The following SCGN variants were observed in gnomAD, a reference collection of about 807,000 sequenced individuals.
SCGN encodes secretagogin, EF-hand calcium binding protein.
SCGN carries 30 observed loss-of-function variants against 39.7 expected under a neutral mutation model. The ratio of observed to expected loss-of-function variants is 0.76; its 90% CI spans 0.57 to 1.03. The LOEUF (loss-of-function observed/expected upper bound fraction) is 1.03. SCGN is among the 50% of genes least tolerant of loss of function. The probability of loss-of-function intolerance (pLI) is 0.00; values close to 1 mark genes in which losing one functional copy is unlikely to be tolerated. For synonymous variants in SCGN, 106 were observed against 114.1 expected, an observed-to-expected ratio of 0.93 and a Z score of 0.45; for missense variants, 353 against 349.4, an observed-to-expected ratio of 1.01 and a Z score of -0.08.
chr6:25,690,135 C>A (rs533216619), intron 9 of SCGN, among the ~76,000 whole-genome samples: 6 of 152,266 alleles, frequency 3.9e-5, no homozygotes, highest in Non-Finnish European at 7.4e-5. Flanking sequence ...AAAACAGTAT[C>A]ACCTGGGAGA....
chr6:25,691,592 G>A (rs1028749527), intron 10 of SCGN, among the ~76,000 whole-genome samples: 1 of 151,612 alleles, frequency 6.6e-6, no homozygotes, highest in Admixed American at 6.6e-5. Context: ...GCTGAGGTTG[G>A]GGCGGATGAA....
chr6:25,657,697 G>A (rs1339638090), intron 2 of SCGN, among the ~76,000 whole-genome samples: 1 of 148,664 alleles, frequency 6.7e-6, no homozygotes, highest in African/African-American at 2.5e-5. Flanking sequence ...ATATATATGT[G>A]TATGTGTGTG....
chr6:25,691,134 C>T lies in SCGN; in HGVS notation c.702+10C>T, dbSNP rs17492659. The T allele has an allele frequency of 0.12, 188,520 of 1,598,828 alleles. 12,030 individuals carry two copies. The highest frequency in any genetic ancestry group is 0.17 in the Middle Eastern group (1,003 of 6,022). ...GATGGAGCTTGTCCAGGTGAGTGCACGTTCTTCTTATTATGAAGTGGGGTT... is the reference window on the plus strand; with the variant it reads ...GATGGAGCTTGTCCAGGTGAGTGCATGTTCTTCTTATTATGAAGTGGGGTT... On this transcript the variant is annotated intron_variant, in intron 10 of 10. Coordinates refer to ENST00000377961, the MANE Select transcript of SCGN (RefSeq NM_006998.4).
chr6:25,699,876 A>T (rs1439928204), intron 10 of SCGN, among the ~76,000 whole-genome samples: 1 of 152,068 alleles, frequency 6.6e-6, no homozygotes, highest in African/African-American at 2.4e-5. Flanking sequence ...CTAAAAAGAA[A>T]AAGGTGCTGG....
At position 25,661,461 on chromosome 6, in the gene SCGN, T is replaced by A. The variant is rs1582572283; in HGVS notation, c.154-91T>A. Reference sequence around the variant, plus strand: ...TGCTTTCCATGTTTGAAAAACATAATTTTCACGCTGTATATTTTGAATATT... The same window carrying A: ...TGCTTTCCATGTTTGAAAAACATAAATTTCACGCTGTATATTTTGAATATT... On this transcript the variant is annotated intron_variant, in intron 2 of 10. Coordinates refer to ENST00000377961, the MANE Select transcript of SCGN (RefSeq NM_006998.4). 15 of 891,182 alleles carry A rather than the reference T, an allele frequency of 1.7e-5. No individual in the cohort carries two copies. In the East Asian group the frequency reaches 3.6e-4, roughly 21 times the overall value. The allele number at this position is 891,182 out of a possible 1,614,324, so 55.2% of individuals were successfully genotyped here.
intron 10 of SCGN, among the ~76,000 whole-genome samples, chr6:25,696,569 A>G (rs1759840215): frequency 6.6e-6 from 1 of 152,270 alleles, no homozygotes; most frequent in East Asian, 1.9e-4. Context: ...TTGTGCAAAG[A>G]TCTTTCTCTA....
chr6:25,701,563 C>T lies in SCGN; in HGVS notation c.*228C>T, dbSNP rs1759913563. On this transcript the variant is annotated 3_prime_UTR_variant, in exon 11 of 11. Transcript: ENST00000377961. ...TTGTTTTCCCTTGACCCTGGGCTTTCCTATCCTCCCAAAGACTCAGCTCCC... is the reference window on the plus strand; with the variant it reads ...TTGTTTTCCCTTGACCCTGGGCTTTTCTATCCTCCCAAAGACTCAGCTCCC... 1 of 399,690 alleles carries T rather than the reference C, an allele frequency of 2.5e-6. No individual in the cohort carries two copies. Among genetic ancestry groups the T allele is most frequent in the African/African-American group, 2.1e-5 (1 of 47,612 alleles). The allele number at this position is 399,690 out of a possible 1,614,324, so 24.8% of individuals were successfully genotyped here.
At chr6:25,669,700 CATATATGTAT>C (rs1362305429) in intron 5 of SCGN, 133 bp downstream of exon 5, 1 of 714,846 alleles carries the variant, frequency 1.4e-6, no homozygotes, top group African/African-American at 1.8e-5. Context: ...TACATATGTA[CATATATGTAT>C]ATATTTTCAT....
intron 2 of SCGN, among the ~76,000 whole-genome samples, chr6:25,654,164 C>T (rs140792072): frequency 4.9e-4 from 74 of 152,268 alleles, no homozygotes; most frequent in Middle Eastern, 3.4e-3. Flanking sequence ...TAGAAGGAGA[C>T]GCTCTAGGGA....
chr6:25,677,307 A>G (rs1328957427), intron 6 of SCGN, among the ~76,000 whole-genome samples: 1 of 152,200 alleles, frequency 6.6e-6, no homozygotes, highest in African/African-American at 2.4e-5. Context: ...CCTATAATTC[A>G]GATATTTGTT....
intron 6 of SCGN, among the ~76,000 whole-genome samples, chr6:25,675,575 A>T (rs1489174699): frequency 6.6e-6 from 1 of 152,228 alleles, no homozygotes; most frequent in Non-Finnish European, 1.5e-5. Flanking sequence ...AGTGCACTCA[A>T]GATTCTCCTG....
intron 10 of SCGN, 30 bp from the exon 11 acceptor site, chr6:25,701,177 C>G (rs1461556108): frequency 6.3e-7 from 1 of 1,594,520 alleles, no homozygotes; most frequent in Non-Finnish European, 8.5e-7. Flanking sequence ...ATTGGCTTGC[C>G]TGTTAACATG....
Position 25,658,975 on chromosome 6 carries a change from C to T in SCGN, c.154-2577C>T, listed in dbSNP as rs189149406. On this transcript the variant is annotated intron_variant, in intron 2 of 10. Coordinates refer to ENST00000377961, the MANE Select transcript of SCGN (RefSeq NM_006998.4). The stretch of plus-strand genomic sequence containing the variant: ...TTAGAGAATCAGATATTAGAGGATC[C>T]AATAGCTTAAATCCTGTCAGCTCAC... Among the ~76,000 whole-genome samples, 424 of 152,224 alleles carry T rather than the reference C, an allele frequency of 2.8e-3. 2 individuals are homozygous for T. Among genetic ancestry groups the T allele is most frequent in the Non-Finnish European group, 2.4e-3 (161 of 67,998 alleles).
intron 3 of SCGN, among the ~76,000 whole-genome samples, chr6:25,662,103 G>A (rs961855547): frequency 1.3e-5 from 2 of 152,142 alleles, no homozygotes; most frequent in African/African-American, 4.8e-5. Flanking sequence ...ACAGACAATA[G>A]GTGTCTTTAC....
intron 6 of SCGN, chr6:25,679,284 G>C (rs1759605338): frequency 6.5e-6 from 1 of 154,226 alleles, no homozygotes; most frequent in Non-Finnish European, 1.4e-5. Flanking sequence ...GGAGCTTCTG[G>C]GCAGGGGTCA....
Position 25,652,335 on chromosome 6 carries a change from G to T in SCGN, c.-69G>T. The T allele has an allele frequency of 8.6e-7, 1 of 1,165,652 alleles. No individual in the cohort carries two copies. Among genetic ancestry groups the T allele is most frequent in the Non-Finnish European group, 1.3e-6 (1 of 779,668 alleles). The allele number at this position is 1,165,652 out of a possible 1,614,324, so 72.2% of individuals were successfully genotyped here. A position where few individuals can be genotyped will look rare whatever the true frequency, so the allele number is the denominator to read the frequency against. On this transcript the variant is annotated 5_prime_UTR_variant, in exon 1 of 11. Coordinates refer to ENST00000377961, the MANE Select transcript of SCGN (RefSeq NM_006998.4). ...AGCAGGAGAGCAAGTCAAGAAATAC[G>T]GTGAAGGAGTCCTTCCCAAAGTTGT...
chr6:25,686,205 C>T (rs181236958), intron 7 of SCGN, among the ~76,000 whole-genome samples: 49 of 152,178 alleles, frequency 3.2e-4, no homozygotes, highest in Non-Finnish European at 4.9e-4. Context: ...GACAAATATA[C>T]GTTTGTGATT....
intron 7 of SCGN, among the ~76,000 whole-genome samples, chr6:25,686,291 A>G (rs1759704149): frequency 6.6e-6 from 1 of 152,198 alleles, no homozygotes; most frequent in Non-Finnish European, 1.5e-5. Context: ...AGGTACTGCC[A>G]AAGTGTTTTC....
intron 7 of SCGN, among the ~76,000 whole-genome samples, chr6:25,682,537 C>T (rs9467564): frequency 0.013 from 1,937 of 152,236 alleles, 27 homozygotes; most frequent in African/African-American, 0.035. Flanking sequence ...TGTTGTGACA[C>T]GTGATTGGTG....
Sources: allele counts gnomAD v4.1 joint callset (sites outside exome capture counted in the v4.1 genomes callset), GRCh38; gene constraint gnomAD v4.1.1; transcripts MANE v1.5; gene names NCBI Gene and HGNC (gene_info 2026-07-23, HGNC 2026-07-21).